The following BNIP2 variants were observed in gnomAD, a reference collection of about 807,000 sequenced individuals.
The protein encoded by BNIP2 is BCL2 interacting protein 2.
A neutral mutation model predicts 43.4 loss-of-function variants in BNIP2; 36 were observed. The ratio of observed to expected loss-of-function variants is 0.83; its 90% CI spans 0.64 to 1.10. The LOEUF (loss-of-function observed/expected upper bound fraction) is 1.10. Among genes scored for constraint, BNIP2 ranks in the 50% least tolerant of loss-of-function variants. The probability of loss-of-function intolerance (pLI) is 0.00; values close to 1 mark genes in which losing one functional copy is unlikely to be tolerated. For synonymous variants in BNIP2, 146 were observed against 121.0 expected (o/e 1.21, Z -1.35); for missense variants, 417 against 374.1 (o/e 1.11, Z -0.95).
At chr15:59,679,322 C>G (rs1028854679) in intron 4 of BNIP2, 10 of 289,060 alleles carry the variant, frequency 3.5e-5, no homozygotes, top group African/African-American at 2.3e-4. Flanking sequence ...AAGTTTCTTA[C>G]TTGATTGACT....
chr15:59,682,616 C>T, intron 1 of BNIP2, 102 bp from the exon 2 acceptor site: 6 of 854,834 alleles, frequency 7.0e-6, no homozygotes, highest in Non-Finnish European at 1.0e-5. Context: ...ATGTTTAGTA[C>T]AATGGTCTGG....
intron 4 of BNIP2, chr15:59,678,386 A>G (rs1341548674): frequency 1.8e-6 from 2 of 1,106,586 alleles, no homozygotes; most frequent in East Asian, 7.1e-5. Context: ...AAATCTTAGT[A>G]CACTGGCCTT....
intron 5 of BNIP2, chr15:59,676,730 C>T (rs375565827): frequency 8.6e-5 from 101 of 1,179,008 alleles, no homozygotes; most frequent in South Asian, 2.4e-4. Flanking sequence ...CCGCGCGGTG[C>T]GGTGCGGGCG....
At position 59,682,488 on chromosome 15, in the gene BNIP2, C is replaced by G. The variant is rs771349655; in HGVS notation, c.-31G>C. 1.9e-6 allele frequency: 3 copies of G among 1,613,252 alleles called. No individual in the cohort carries two copies. In the South Asian group the frequency reaches 3.3e-5, roughly 18 times the overall value. On this transcript the variant is annotated 5_prime_UTR_variant, in exon 2 of 10. Transcript: ENST00000607373. ...GCCTGGATTCAATGTCAACTACAAA[C>G]TCTTGATAATCCAGGGAGCCAATGT...
chr15:59,682,545 T>C (rs771384848), intron 1 of BNIP2, 31 bp from the exon 2 acceptor site: 210 of 1,548,582 alleles, frequency 1.4e-4, no homozygotes, highest in Admixed American at 1.7e-4. Context: ...ATAACTTAAT[T>C]TCCACTTTAC....
At chr15:59,667,782 G>A (rs1187284126) in intron 9 of BNIP2, among the ~76,000 whole-genome samples, 2 of 152,224 alleles carry the variant, frequency 1.3e-5, no homozygotes, top group African/African-American at 2.4e-5. Context: ...AACAGATAAA[G>A]TCTTAAAATT....
chr15:59,663,607 A>C lies in BNIP2; in HGVS notation c.*462T>G, dbSNP rs570055807. 1 of 152,834 alleles carries C rather than the reference A, an allele frequency of 6.5e-6. No homozygotes were observed. Among genetic ancestry groups the C allele is most frequent in the East Asian group, 1.9e-4 (1 of 5,190 alleles). The allele number at this position is 152,834 out of a possible 1,614,324, so 9.5% of individuals were successfully genotyped here. On this transcript the variant is annotated 3_prime_UTR_variant, in exon 10 of 10. Coordinates refer to ENST00000607373, the MANE Select transcript of BNIP2 (RefSeq NM_004330.4). ...GGAAATGTATTTAACCATTTACAAA[A>C]ACAAAAATTCTAATATGCACTTTAG...
chr15:59,678,091 T>A lies in BNIP2; in HGVS notation c.296-4A>T. ...GTCTTGGGTTTTGGAAGATCATCTGTCAAAATACAAAGTTTTTGAATCACA... is the reference window on the plus strand; with the variant it reads ...GTCTTGGGTTTTGGAAGATCATCTGACAAAATACAAAGTTTTTGAATCACA... On this transcript the variant is annotated splice_polypyrimidine_tract_variant and splice_region_variant and intron_variant, in intron 4 of 9. Coordinates refer to ENST00000607373, the MANE Select transcript of BNIP2 (RefSeq NM_004330.4). The A allele has an allele frequency of 6.3e-7, 1 of 1,599,544 alleles. No individual in the cohort carries two copies. Among genetic ancestry groups the A allele is most frequent in the Non-Finnish European group, 8.5e-7 (1 of 1,175,200 alleles).
chr15:59,678,091 T>C lies in BNIP2; in HGVS notation c.296-4A>G. 6.3e-7 allele frequency: 1 copy of C among 1,599,544 alleles called. No homozygotes were observed. ...GTCTTGGGTTTTGGAAGATCATCTGTCAAAATACAAAGTTTTTGAATCACA... is the reference window on the plus strand; with the variant it reads ...GTCTTGGGTTTTGGAAGATCATCTGCCAAAATACAAAGTTTTTGAATCACA... On this transcript the variant is annotated splice_polypyrimidine_tract_variant and splice_region_variant and intron_variant, in intron 4 of 9. Transcript: ENST00000607373.
chr15:59,676,664 T>C (rs1313577880), intron 5 of BNIP2: 6 of 598,680 alleles, frequency 1.0e-5, no homozygotes, highest in African/African-American at 9.3e-5. Flanking sequence ...TTTCTAAAAG[T>C]ATTTAGAATT....
intron 9 of BNIP2, among the ~76,000 whole-genome samples, chr15:59,668,429 C>T (rs549962477): frequency 6.6e-6 from 1 of 152,166 alleles, no homozygotes; most frequent in East Asian, 1.9e-4. Context: ...GAATGTGAAT[C>T]TGATAATCAG....
chr15:59,667,752 C>A (rs1322010692), intron 9 of BNIP2, among the ~76,000 whole-genome samples: 2 of 152,120 alleles, frequency 1.3e-5, no homozygotes, highest in Non-Finnish European at 2.9e-5. Context: ...CACAAGTTAG[C>A]GATTTAAAGA....
chr15:59,688,123 T>A (rs1220753788), intron 1 of BNIP2, among the ~76,000 whole-genome samples: 2 of 152,344 alleles, frequency 1.3e-5, no homozygotes, highest in South Asian at 2.1e-4. Context: ...AGTATTAGGC[T>A]GCACTAGAGA....
rs1216945644 is a variant in BNIP2, at chr15:59,659,675, C to T, written c.*4394G>A. The T allele has an allele frequency of 6.6e-6, 1 of 152,164 alleles. No individual in the cohort carries two copies. The highest frequency in any genetic ancestry group is 1.5e-5 in the Non-Finnish European group (1 of 68,040). 9.4% of individuals were successfully genotyped at this position (152,164 alleles called of 1,614,324 possible). On this transcript the variant is annotated 3_prime_UTR_variant, in exon 10 of 10. Coordinates refer to ENST00000607373, the MANE Select transcript of BNIP2 (RefSeq NM_004330.4). ...TGTTATTTTCCAAGTTCCTCCTTAG[C>T]CAAACTGCATAAAAATTTCAAAATG...
intron 5 of BNIP2, 95 bp downstream of exon 5, chr15:59,677,816 G>C (rs1277695940): frequency 1.4e-6 from 2 of 1,438,350 alleles, no homozygotes; most frequent in Non-Finnish European, 1.9e-6. Flanking sequence ...GTTCTGTACA[G>C]GGCTTATTTA....
chr15:59,688,006 C>A (rs1350731822), intron 1 of BNIP2, among the ~76,000 whole-genome samples: 4 of 152,176 alleles, frequency 2.6e-5, no homozygotes, highest in African/African-American at 9.7e-5. Flanking sequence ...CACTTAGCTT[C>A]AAAGGGCTTG....
At chr15:59,684,585 A>G (rs1453389445) in intron 1 of BNIP2, among the ~76,000 whole-genome samples, 1 of 152,210 alleles carries the variant, frequency 6.6e-6, no homozygotes, top group Admixed American at 6.5e-5. Flanking sequence ...AAAGCATGCT[A>G]TGACTAAAGG....
Position 59,662,400 on chromosome 15 carries a change from C to G in BNIP2, c.*1669G>C, listed in dbSNP as rs114481306. 4.5e-3 allele frequency: 687 copies of G among 152,300 alleles called. 9 individuals carry two copies. The highest frequency in any genetic ancestry group is 0.015 in the African/African-American group (640 of 41,560). The allele number at this position is 152,300 out of a possible 1,614,324, so 9.4% of individuals were successfully genotyped here. On this transcript the variant is annotated 3_prime_UTR_variant, in exon 10 of 10. Coordinates refer to ENST00000607373, the MANE Select transcript of BNIP2 (RefSeq NM_004330.4). ...AAGCAATAATCGTTTTGGCTCAATT[C>G]ACTGTAATGACATTAGTTCAGGATC...
rs1892415152 is a variant in BNIP2, at chr15:59,664,000, A to C, written c.*69T>G. On this transcript the variant is annotated 3_prime_UTR_variant, in exon 10 of 10. Coordinates refer to ENST00000607373, the MANE Select transcript of BNIP2 (RefSeq NM_004330.4). ...CATAAAAATATGGGCCAATAAATGC[A>C]TTATGAATGCAGAAACAGCACTGCT... The C allele has an allele frequency of 4.9e-6, 6 of 1,223,632 alleles. No homozygotes were observed. In the East Asian group the frequency reaches 1.6e-4, roughly 32 times the overall value. 75.8% of individuals were successfully genotyped at this position (1,223,632 alleles called of 1,614,324 possible). A position where few individuals can be genotyped will look rare whatever the true frequency, so the allele number is the denominator to read the frequency against.
Sources: allele counts gnomAD v4.1 joint callset (sites outside exome capture counted in the v4.1 genomes callset), GRCh38; gene constraint gnomAD v4.1.1; transcripts MANE v1.5; gene names NCBI Gene and HGNC (gene_info 2026-07-23, HGNC 2026-07-21).